USP22: variants seen among roughly 807,000 people sequenced by gnomAD.
USP22 encodes ubiquitin carboxyl-terminal hydrolase 22.
USP22 carries 22 observed loss-of-function variants against 68.1 expected under a neutral mutation model. The ratio of observed to expected loss-of-function variants is 0.32; its 90% CI spans 0.23 to 0.46. USP22 has a LOEUF of 0.46. Among genes scored for constraint, USP22 ranks in the 20% least tolerant of loss-of-function variants. The pLI is 1.00. For missense variants in USP22, 433 were observed against 695.8 expected (o/e 0.62, Z 4.25); for synonymous variants, 279 against 274.2 (o/e 1.02, Z -0.17).
intron 1 of USP22, among the ~76,000 whole-genome samples, chr17:21,041,107 A>T (rs1972424122): frequency 6.7e-6 from 1 of 150,148 alleles, no homozygotes. Context: ...CTGGTCTCGA[A>T]CTCCTGACCT....
intron 6 of USP22, among the ~76,000 whole-genome samples, chr17:21,013,881 T>G (rs572652433): frequency 6.6e-6 from 1 of 152,338 alleles, no homozygotes; most frequent in South Asian, 2.1e-4. Flanking sequence ...GAGACCATCC[T>G]GGCTAACACG....
At chr17:21,021,338 A>C (rs1597695496) in intron 2 of USP22, 112 bp from the exon 3 acceptor site, 4 of 701,000 alleles carry the variant, frequency 5.7e-6, no homozygotes, top group East Asian at 2.7e-5. Context: ...TGTTCACAGC[A>C]CCTTCCTATT....
At chr17:21,036,395 G>GT (rs1972357192) in intron 1 of USP22, among the ~76,000 whole-genome samples, 1 of 151,824 alleles carries the variant, frequency 6.6e-6, no homozygotes, top group Admixed American at 6.6e-5. Context: ...GAAACCAATT[G>GT]TATTACACAT....
rs1163012861 is a variant in USP22, at chr17:21,042,871, G to C, written c.-36C>G. The stretch of plus-strand genomic sequence containing the variant: ...GCCCGGCCGCGCGCGGGGGGCGGCG[G>C]CGAGGGAGGCGAGGACGACGCCAGC... On this transcript the variant is annotated 5_prime_UTR_variant, in exon 1 of 13. Coordinates refer to ENST00000261497, the MANE Select transcript of USP22 (RefSeq NM_015276.2). The C allele has an allele frequency of 1.6e-6, 2 of 1,219,074 alleles. No homozygotes were observed. The highest frequency in any genetic ancestry group is 3.2e-5 in the African/African-American group (2 of 63,416). 75.5% of individuals were successfully genotyped at this position (1,219,074 alleles called of 1,614,324 possible).
At chr17:21,026,213 G>A (rs1293591511) in intron 2 of USP22, among the ~76,000 whole-genome samples, 2 of 152,182 alleles carry the variant, frequency 1.3e-5, no homozygotes, top group East Asian at 3.9e-4. Context: ...AGCTGAGACC[G>A]TGCCATTGCA....
intron 1 of USP22, among the ~76,000 whole-genome samples, chr17:21,042,430 G>C (rs1019886356): frequency 1.4e-5 from 2 of 147,448 alleles, no homozygotes; most frequent in African/African-American, 5.1e-5. Flanking sequence ...ATGGGGGAAG[G>C]GGGGAGAGGG....
Position 21,021,642 on chromosome 17 carries a change from G to A in USP22, c.305-416C>T, listed in dbSNP as rs117676512. Reference sequence around the variant, plus strand: ...CTGACACCATCACCATAAAGAATGTGGCAGCAACTTGCTGTGACTTTTGTG... The same window carrying A: ...CTGACACCATCACCATAAAGAATGTAGCAGCAACTTGCTGTGACTTTTGTG... On this transcript the variant is annotated intron_variant, in intron 2 of 12. Coordinates refer to ENST00000261497, the MANE Select transcript of USP22 (RefSeq NM_015276.2). 5.2e-3 allele frequency among the ~76,000 whole-genome samples: 794 copies of A among 152,238 alleles called. 13 individuals are homozygous for A. Among genetic ancestry groups the A allele is most frequent in the East Asian group, 0.032 (164 of 5,184 alleles).
chr17:21,020,674 G>A lies in USP22; in HGVS notation c.418+439C>T, dbSNP rs533557100. On this transcript the variant is annotated intron_variant, in intron 3 of 12. Coordinates refer to ENST00000261497, the MANE Select transcript of USP22 (RefSeq NM_015276.2). ...TGTTTACATATAACATTACTGCAAA[G>A]AGATCGCTTGCTAGAATTCGGCAGA... Among the ~76,000 whole-genome samples the A allele has an allele frequency of 1.3e-4, 20 of 152,358 alleles. No individual in the cohort carries two copies. The East Asian group carries it at 3.5e-3, about 26-fold the overall frequency.
In USP22 at chr17:21,012,819, C is replaced by T; in HGVS notation, c.944+11G>A. 6.2e-7 allele frequency: 1 copy of T among 1,613,056 alleles called. No individual in the cohort carries two copies. The highest frequency in any genetic ancestry group is 2.2e-5 in the East Asian group (1 of 44,878). On this transcript the variant is annotated intron_variant, in intron 7 of 12. Coordinates refer to ENST00000261497, the MANE Select transcript of USP22 (RefSeq NM_015276.2). ...GGTTTGATATTGCCGAGCACGCAGC[C>T]TCTCACTTACTGGCAGACTTGGCAG... is the stretch of plus-strand genomic sequence containing the variant.
At chr17:21,010,021 T>C (rs925444657) in intron 8 of USP22, among the ~76,000 whole-genome samples, 2 of 149,788 alleles carry the variant, frequency 1.3e-5, no homozygotes, top group Non-Finnish European at 3.0e-5. Context: ...CACACACCTA[T>C]AGTCCCAACT....
intron 2 of USP22, 105 bp downstream of exon 2, chr17:21,028,437 A>C: frequency 6.5e-7 from 1 of 1,534,608 alleles, no homozygotes. Flanking sequence ...TACTTGAGAC[A>C]AACGACAAAG....
Position 21,042,653 on chromosome 17 carries a change from T to C in USP22, c.171+12A>G, listed in dbSNP as rs1364836828. 2 of 1,261,908 alleles carry C rather than the reference T, an allele frequency of 1.6e-6. No individual in the cohort carries two copies. Among genetic ancestry groups the C allele is most frequent in the Non-Finnish European group, 2.0e-6 (2 of 1,000,096 alleles). 78.2% of individuals were successfully genotyped at this position (1,261,908 alleles called of 1,614,324 possible). The stretch of plus-strand genomic sequence containing the variant: ...GCCCCGAGCCCGCCGCGCGGTGGGC[T>C]GCCGGGCGCACCTTGCGCTTGCGGG... On this transcript the variant is annotated intron_variant, in intron 1 of 12. Coordinates refer to ENST00000261497, the MANE Select transcript of USP22 (RefSeq NM_015276.2).
chr17:21,011,049 G>T (rs1913951227), intron 8 of USP22, 102 bp downstream of exon 8: 1 of 1,445,882 alleles, frequency 6.9e-7, no homozygotes, highest in Non-Finnish European at 9.1e-7. Context: ...CCTTTGCCCA[G>T]GCTCTGTCCT....
At chr17:21,005,123 C>T (rs907140660) in intron 10 of USP22, 133 bp from the exon 11 acceptor site, 4 of 1,000,578 alleles carry the variant, frequency 4.0e-6, no homozygotes, top group African/African-American at 1.6e-5. Context: ...ATGCTTCAGG[C>T]AGAAATCTCC....
At chr17:21,007,311 T>G (rs1332892131) in intron 9 of USP22, among the ~76,000 whole-genome samples, 1 of 152,166 alleles carries the variant, frequency 6.6e-6, no homozygotes. Context: ...ATGAACAAAT[T>G]GTTCCTTTCA....
At chr17:21,015,952 C>G in intron 5 of USP22, 53 bp from the exon 6 acceptor site, 5 of 1,582,872 alleles carry the variant, frequency 3.2e-6, no homozygotes, top group Non-Finnish European at 2.6e-6. Context: ...AGACTCTGAA[C>G]ACAGAGTACA....
intron 8 of USP22, among the ~76,000 whole-genome samples, chr17:21,008,888 C>A (rs1913859673): frequency 6.6e-6 from 1 of 151,902 alleles, no homozygotes; most frequent in South Asian, 2.1e-4. Context: ...GTTGGAAGTT[C>A]AAGACCAACC....
In USP22 at chr17:21,001,018, C is replaced by T. The variant is rs1913556759; in HGVS notation, c.*2013G>A. 6.8e-6 allele frequency: 1 copy of T among 146,174 alleles called. No individual in the cohort carries two copies. Among genetic ancestry groups the T allele is most frequent in the Non-Finnish European group, 1.5e-5 (1 of 67,110 alleles). 9.1% of individuals were successfully genotyped at this position (146,174 alleles called of 1,614,324 possible). On this transcript the variant is annotated 3_prime_UTR_variant, in exon 13 of 13. Transcript: ENST00000261497. ...TGAGCCGAGACTGTGCCACTCACTC[C>T]AGCCTGGGCAACAAACTCCATCTCA...
chr17:21,024,163 G>A (rs1480611758), intron 2 of USP22, among the ~76,000 whole-genome samples: 1 of 152,122 alleles, frequency 6.6e-6, no homozygotes, highest in East Asian at 1.9e-4. Context: ...GCCACTTCCT[G>A]TTCATCAGCA....
Sources: allele counts gnomAD v4.1 joint callset (sites outside exome capture counted in the v4.1 genomes callset), GRCh38; gene constraint gnomAD v4.1.1; transcripts MANE v1.5; gene names NCBI Gene and HGNC (gene_info 2026-07-23, HGNC 2026-07-21).